IL7: variants seen among roughly 807,000 people sequenced by gnomAD.
IL7 encodes the protein interleukin-7.
A neutral mutation model predicts 21.6 loss-of-function variants in IL7; 3 were observed. That is an observed-to-expected ratio of 0.14 (90% CI 0.06 to 0.36). The LOEUF is 0.36. IL7 is among the 10% of genes least tolerant of loss of function. IL7 has a pLI of 1.00. For missense variants in IL7, 175 were observed against 200.2 expected, an observed-to-expected ratio of 0.87 and a Z score of 0.76; for synonymous variants, 62 against 68.1, an observed-to-expected ratio of 0.91 and a Z score of 0.44.
chr8:78,800,317 A>C (rs982426291), intron 1 of IL7, among the ~76,000 whole-genome samples: 1 of 151,882 alleles, frequency 6.6e-6, no homozygotes. Context: ...TCTCTTTTTG[A>C]GACAGGGTTT....
At chr8:78,764,826 T>G (rs1812702004) in intron 2 of IL7, among the ~76,000 whole-genome samples, 1 of 152,038 alleles carries the variant, frequency 6.6e-6, no homozygotes. Flanking sequence ...AATTGACAAA[T>G]TGGTTCTAAA....
chr8:78,762,044 T>G, intron 2 of IL7: 3 of 1,602,470 alleles, frequency 1.9e-6, no homozygotes, highest in Non-Finnish European at 2.6e-6. Context: ...TTCTTTATGT[T>G]TTTGTTCCTG....
downstream of IL7, among the ~76,000 whole-genome samples, chr8:78,728,404 G>A (rs1242024891): frequency 1.3e-5 from 2 of 151,960 alleles, no homozygotes; most frequent in Non-Finnish European, 2.9e-5. Context: ...CAAAACTGTG[G>A]TATTGGAGAA....
intron 3 of IL7, among the ~76,000 whole-genome samples, chr8:78,687,517 T>C (rs1810031871): frequency 6.9e-6 from 1 of 144,230 alleles, no homozygotes; most frequent in Admixed American, 7.1e-5. Context: ...TATATATATT[T>C]ATATAATAAA....
At chr8:78,711,484 A>T (rs1276073701) in intron 3 of IL7, among the ~76,000 whole-genome samples, 1 of 152,076 alleles carries the variant, frequency 6.6e-6, no homozygotes, top group African/African-American at 2.4e-5. Context: ...CATTTCAGAA[A>T]TAAAGTCACT....
intron 4 of IL7, among the ~76,000 whole-genome samples, chr8:78,681,896 T>G (rs1280863640): frequency 4.6e-5 from 6 of 129,310 alleles, no homozygotes; most frequent in Non-Finnish European, 9.6e-5. Context: ...TTTTCCTTTT[T>G]CTTTCTTTTT....
intron 2 of IL7, among the ~76,000 whole-genome samples, chr8:78,758,832 CTT>C (rs1307246152): frequency 6.6e-6 from 1 of 151,790 alleles, no homozygotes; most frequent in Non-Finnish European, 1.5e-5. Context: ...TTGGAGAACA[CTT>C]ATATTTTTAT....
downstream of IL7, chr8:78,715,438 T>G: frequency 9.8e-7 from 1 of 1,019,664 alleles, no homozygotes; most frequent in Non-Finnish European, 1.4e-6. Flanking sequence ...AAACCTGATT[T>G]TTTTCTTTTA....
chr8:78,691,199 C>G (rs912067021), intron 3 of IL7, among the ~76,000 whole-genome samples: 1 of 152,130 alleles, frequency 6.6e-6, no homozygotes, highest in East Asian at 1.9e-4. Flanking sequence ...GATGTTCCAT[C>G]AATTACTGAG....
At chr8:78,758,330 A>G (rs1812423778) in intron 2 of IL7, among the ~76,000 whole-genome samples, 1 of 152,034 alleles carries the variant, frequency 6.6e-6, no homozygotes, top group African/African-American at 2.4e-5. Context: ...AATGTTCTGT[A>G]TATCCTTTGT....
chr8:78,675,916 A>G (rs1809564427), exon 5 of IL7: 2 of 1,485,140 alleles, frequency 1.3e-6, no homozygotes, highest in African/African-American at 1.4e-5. Flanking sequence ...TAATTGTTCA[A>G]TAATTCTGGT....
chr8:78,732,459 G>A (rs1811444329), downstream of IL7, among the ~76,000 whole-genome samples: 1 of 152,086 alleles, frequency 6.6e-6, no homozygotes. Flanking sequence ...ATAACTAGAT[G>A]GTGATGAGGC....
At chr8:78,704,306 C>T (rs201091797) in intron 3 of IL7, among the ~76,000 whole-genome samples, 3 of 148,514 alleles carry the variant, frequency 2.0e-5, no homozygotes, top group East Asian at 2.0e-4. Context: ...GAGAATTGCT[C>T]GAACCCAGGA....
chr8:78,702,948 G>A (rs1810654062), intron 3 of IL7, among the ~76,000 whole-genome samples: 1 of 151,962 alleles, frequency 6.6e-6, no homozygotes, highest in Non-Finnish European at 1.5e-5. Context: ...CCAGGCTATA[G>A]TGCTGTGGCA....
chr8:78,751,279 G>C (rs958425447), intron 2 of IL7, among the ~76,000 whole-genome samples: 20 of 152,196 alleles, frequency 1.3e-4, no homozygotes, highest in African/African-American at 4.8e-4. Flanking sequence ...TTATAGAAGA[G>C]CAAAGATAAG....
At chr8:78,765,975 T>G (rs1436257950) in intron 2 of IL7, among the ~76,000 whole-genome samples, 1 of 152,038 alleles carries the variant, frequency 6.6e-6, no homozygotes, top group Non-Finnish European at 1.5e-5. Flanking sequence ...TTCCAGACAA[T>G]GGAATATTTT....
intron 2 of IL7, among the ~76,000 whole-genome samples, chr8:78,749,918 T>C (rs1009489673): frequency 6.6e-6 from 1 of 152,044 alleles, no homozygotes. Context: ...ATGCTGGTGG[T>C]CCCAGCTACT....
chr8:78,761,182 C>T (rs1812542986), intron 2 of IL7: 10 of 1,592,294 alleles, frequency 6.3e-6, no homozygotes, highest in Middle Eastern at 2.0e-4. Context: ...GTTCTTTACC[C>T]CTTTCTTTAC....
chr8:78,744,810 G>A (rs1451958562), intron 2 of IL7, among the ~76,000 whole-genome samples: 2 of 152,206 alleles, frequency 1.3e-5, no homozygotes, highest in African/African-American at 4.8e-5. Flanking sequence ...GATGGAGTGG[G>A]TTCAAGAGGG....
Sources: gnomAD v4.1 joint callset for allele counts (sites outside exome capture counted in the v4.1 genomes callset) on GRCh38, gnomAD v4.1.1 for gene constraint, MANE v1.5 for transcripts, NCBI Gene and HGNC (gene_info 2026-07-23, HGNC 2026-07-21) for gene names.